The following BPIFB4 variants were observed in gnomAD, a reference collection of about 807,000 sequenced individuals.
BPIFB4 encodes the protein BPI fold-containing family B member 4.
In BPIFB4, 62 loss-of-function variants were observed where a neutral mutation model predicts 69.2. That is an observed-to-expected ratio of 0.90 (90% CI 0.73 to 1.11). BPIFB4 has a LOEUF of 1.11. Among genes scored for constraint, BPIFB4 ranks in the 50% least tolerant of loss-of-function variants. BPIFB4 has a pLI of 0.00. For synonymous variants in BPIFB4, 330 were observed against 332.7 expected (o/e 0.99, Z 0.09); for missense variants, 789 against 792.0 (o/e 1.00, Z 0.04).
chr20:33,081,074 T>C (rs1194499048), intron 2 of BPIFB4, among the ~76,000 whole-genome samples: 1 of 152,008 alleles, frequency 6.6e-6, no homozygotes, highest in East Asian at 1.9e-4. Context: ...GGAGAATAAA[T>C]ACGAAGGGGA....
Position 33,083,641 on chromosome 20 carries a change from CCGG to C in BPIFB4, c.447_449del (p.Arg150del). 1 of 1,614,062 alleles carries C rather than the reference CCGG, an allele frequency of 6.2e-7. No individual in the cohort carries two copies. Among genetic ancestry groups the C allele is most frequent in the Non-Finnish European group, 8.5e-7 (1 of 1,180,002 alleles). On this transcript the variant is annotated inframe_deletion, in exon 5 of 18. Transcript: ENST00000375483. ...GGGCAGCACCTGTGGGCAGGCTTCA[CCGG>C]CGAGAGCTGCAGCCTGGAGAAATCC...
At chr20:33,105,804 G>A (rs1434215794) in intron 16 of BPIFB4, among the ~76,000 whole-genome samples, 4 of 152,186 alleles carry the variant, frequency 2.6e-5, no homozygotes, top group Non-Finnish European at 4.4e-5. Flanking sequence ...TGAGAGGATG[G>A]GGTCAGGGGC....
At position 33,104,803 on chromosome 20, in the gene BPIFB4, T is replaced by C; in HGVS notation, c.1681-7T>C. 1 of 1,614,016 alleles carries C rather than the reference T, an allele frequency of 6.2e-7. No individual in the cohort carries two copies. Among genetic ancestry groups the C allele is most frequent in the Non-Finnish European group, 8.5e-7 (1 of 1,179,908 alleles). On this transcript the variant is annotated splice_polypyrimidine_tract_variant and splice_region_variant and intron_variant, in intron 15 of 17. Coordinates refer to ENST00000375483, the MANE Select transcript of BPIFB4 (RefSeq NM_182519.3). Reference sequence around the variant, plus strand: ...GCCCAGGCTCTGTCCTCCTTCTTCCTCTGCAGATTGGCCTCATGGAGGTGC... The same window carrying C: ...GCCCAGGCTCTGTCCTCCTTCTTCCCCTGCAGATTGGCCTCATGGAGGTGC...
chr20:33,082,526 G>T (rs1981265991), intron 3 of BPIFB4, among the ~76,000 whole-genome samples: 1 of 152,010 alleles, frequency 6.6e-6, no homozygotes, highest in Non-Finnish European at 1.5e-5. Flanking sequence ...TAGAGACGGG[G>T]TTTCACCATC....
rs1981301151 is a variant in BPIFB4, at chr20:33,083,367, G to C, written c.170G>C (p.Gly57Ala). The C allele has an allele frequency of 2.5e-6, 4 of 1,612,266 alleles. No homozygotes were observed. The highest frequency in any genetic ancestry group is 3.4e-6 in the Non-Finnish European group (4 of 1,178,754). The change falls in exon 5 of 18, where the codon GGT (glycine) becomes GCT (alanine). Residue 57 changes from glycine to alanine, a missense_variant and splice_region_variant. Gly to Ala is a moderately conservative substitution (Grantham distance 60). Around this residue, in one of 3 missense-constraint regions of BPIFB4, gnomAD observed 611 missense variants for 575.4 expected, o/e 1.06. Coordinates refer to ENST00000375483, the MANE Select transcript of BPIFB4 (RefSeq NM_182519.3). ...LHSALREVPL[G>A]VGDIPYNDFH... The stretch of plus-strand genomic sequence containing the variant: ...TACAGACGCATTGAATTCCCCCGAG[G>C]TGTTGGTGATATTCCCTACAATGAC...
At chr20:33,098,874 G>C (rs1295185570) in intron 13 of BPIFB4, among the ~76,000 whole-genome samples, 1 of 151,926 alleles carries the variant, frequency 6.6e-6, no homozygotes, top group Non-Finnish European at 1.5e-5. Context: ...GAGCTCCTCA[G>C]TGTTCCTCCA....
At chr20:33,098,692 C>T (rs1981824359) in intron 13 of BPIFB4, among the ~76,000 whole-genome samples, 2 of 150,896 alleles carry the variant, frequency 1.3e-5, no homozygotes, top group South Asian at 4.2e-4. Flanking sequence ...CTGCAGTGAG[C>T]CGAGATCGCA....
At chr20:33,094,657 C>T (rs1981706163) in intron 11 of BPIFB4, among the ~76,000 whole-genome samples, 1 of 152,100 alleles carries the variant, frequency 6.6e-6, no homozygotes, top group African/African-American at 2.4e-5. Context: ...CAGGCATGTG[C>T]CATCATGCCC....
intron 7 of BPIFB4, among the ~76,000 whole-genome samples, chr20:33,086,748 G>A (rs1569001061): frequency 6.6e-6 from 1 of 152,224 alleles, no homozygotes; most frequent in Non-Finnish European, 1.5e-5. Flanking sequence ...GTGAGGGGAT[G>A]AGAGTTTTCC....
chr20:33,083,575 C>T lies in BPIFB4; in HGVS notation c.378C>T (p.Ala126=), dbSNP rs772687337. The T allele has an allele frequency of 7.4e-6, 12 of 1,614,000 alleles. No individual in the cohort carries two copies. The highest frequency in any genetic ancestry group is 1.6e-4 in the Middle Eastern group (1 of 6,062). The change falls in exon 5 of 18, where the codon GCC becomes GCT. Residue 126 remains alanine (A), a synonymous_variant. Transcript: ENST00000375483. ...TCCGAAACAGTGGCTATCGCAGTGCCGAGAATGCATATGGAGGCCACAGGG... is the reference window on the plus strand; with the variant it reads ...TCCGAAACAGTGGCTATCGCAGTGCTGAGAATGCATATGGAGGCCACAGGG... ...RDLRNSGYRS[A]ENAYGGHRGL...
intron 15 of BPIFB4, 116 bp downstream of exon 15, chr20:33,103,130 A>G: frequency 8.4e-7 from 1 of 1,184,252 alleles, no homozygotes; most frequent in Non-Finnish European, 1.3e-6. Flanking sequence ...GTGAATTCCA[A>G]AGTGCTCCCG....
In BPIFB4 at chr20:33,086,040, A is replaced by G. The variant is rs2070325; in HGVS notation, c.802A>G (p.Ile268Val). The change falls in exon 7 of 18, where the codon ATC becomes GTC. Residue 268 changes from isoleucine (I) to valine (V), a missense_variant. Around this residue, in one of 3 missense-constraint regions of BPIFB4, gnomAD observed 611 missense variants for 575.4 expected, o/e 1.06. Coordinates refer to ENST00000375483, the MANE Select transcript of BPIFB4 (RefSeq NM_182519.3). Reference protein sequence around the residue: ...NGKSLIGFLDIAVEVNITAKV... With the variant: ...NGKSLIGFLDVAVEVNITAKV... The stretch of plus-strand genomic sequence containing the variant: ...CTCCAGTCTTATTGGCTTCCTGGAC[A>G]TCGCAGTAGAAGTGAACATCACAGC... The G allele has an allele frequency of 0.38, 616,220 of 1,610,064 alleles. 123,985 individuals are homozygous for G. The highest frequency in any genetic ancestry group is 0.79 in the East Asian group (35,247 of 44,734).
chr20:33,093,972 A>G (rs1981686459), intron 11 of BPIFB4, among the ~76,000 whole-genome samples: 1 of 152,164 alleles, frequency 6.6e-6, no homozygotes, highest in African/African-American at 2.4e-5. Flanking sequence ...CTGTCTATCC[A>G]TCTATCTTAT....
Position 33,080,174 on chromosome 20 carries a change from G to A in BPIFB4, c.-123-295G>A, listed in dbSNP as rs537541495. Among the ~76,000 whole-genome samples the A allele has an allele frequency of 2.2e-5, 3 of 136,456 alleles. No homozygotes were observed. In the South Asian group the frequency reaches 7.9e-4, roughly 36 times the overall value. The allele number at this position is 136,456 out of a possible 152,430, so 89.5% of individuals were successfully genotyped here. The stretch of plus-strand genomic sequence containing the variant: ...CTAATATTCTTCTGGGAGCAGATAG[G>A]AGTAGGGAAAGAATTTGGGGGCGCT... On this transcript the variant is annotated intron_variant, in intron 1 of 17. Transcript: ENST00000375483.
intron 12 of BPIFB4, 100 bp downstream of exon 12, chr20:33,095,253 C>A: frequency 7.7e-7 from 1 of 1,301,390 alleles, no homozygotes; most frequent in Non-Finnish European, 1.1e-6. Context: ...GGGTGGGGTG[C>A]TCTCCCCCGA....
chr20:33,080,979 A>G (rs1000331086), intron 2 of BPIFB4, among the ~76,000 whole-genome samples: 2 of 152,148 alleles, frequency 1.3e-5, no homozygotes, highest in African/African-American at 2.4e-5. Context: ...GGTTGGATGG[A>G]TAGATATATG....
intron 12 of BPIFB4, among the ~76,000 whole-genome samples, chr20:33,096,105 T>C (rs1255068156): frequency 6.6e-6 from 1 of 152,174 alleles, no homozygotes. Flanking sequence ...GTGGTCACTA[T>C]TGCCCTCATG....
intron 9 of BPIFB4, among the ~76,000 whole-genome samples, chr20:33,090,445 C>G (rs1204981810): frequency 6.6e-6 from 1 of 152,216 alleles, no homozygotes; most frequent in African/African-American, 2.4e-5. Context: ...ACCCCCCTGC[C>G]CCCACCAACG....
At chr20:33,109,120 C>T (rs1982161114) in intron 17 of BPIFB4, among the ~76,000 whole-genome samples, 1 of 152,202 alleles carries the variant, frequency 6.6e-6, no homozygotes, top group African/African-American at 2.4e-5. Flanking sequence ...TGTAGGACCT[C>T]GGCACTGCTT....
Sources: allele counts gnomAD v4.1 joint callset (sites outside exome capture counted in the v4.1 genomes callset), GRCh38; gene constraint gnomAD v4.1.1; regional missense constraint gnomAD v4.1.1; transcripts MANE v1.5; gene names NCBI Gene and HGNC (gene_info 2026-07-23, HGNC 2026-07-21).